DSC3: variants seen among roughly 807,000 people sequenced by gnomAD.
DSC3 encodes desmocollin-3.
Under a neutral mutation model 89.5 loss-of-function variants are expected in DSC3, and 97 were observed. The ratio of observed to expected loss-of-function variants is 1.08; its 90% CI spans 0.92 to 1.28. The LOEUF is 1.28. Ranked by LOEUF, DSC3 falls within the 50% of genes most tolerant of loss-of-function variation. DSC3 has a pLI of 0.00. For missense variants in DSC3, 1,199 were observed against 1,085.3 expected, an observed-to-expected ratio of 1.10 and a Z score of -1.47; for synonymous variants, 436 against 384.1, an observed-to-expected ratio of 1.14 and a Z score of -1.58.
Position 31,000,634 on chromosome 18 carries a change from T to G in DSC3, c.2235+984A>C, listed in dbSNP as rs531236099. 2.0e-5 allele frequency among the ~76,000 whole-genome samples: 3 copies of G among 152,310 alleles called. No homozygotes were observed. In the South Asian group the frequency reaches 6.2e-4, roughly 32 times the overall value. On this transcript the variant is annotated intron_variant, in intron 14 of 15. Coordinates refer to ENST00000360428, the MANE Select transcript of DSC3 (RefSeq NM_001941.5). ...ATGATTTCTTCTATTCTAAATCAATTTATTTATTATTTGCTAAATAGCCCC... is the reference window on the plus strand; with the variant it reads ...ATGATTTCTTCTATTCTAAATCAATGTATTTATTATTTGCTAAATAGCCCC...
intron 14 of DSC3, among the ~76,000 whole-genome samples, chr18:31,001,025 TA>T (rs1295755582): frequency 6.7e-6 from 1 of 149,814 alleles, no homozygotes; most frequent in African/African-American, 2.4e-5. Flanking sequence ...TGTGTATATA[TA>T]TATACTTTGT....
chr18:31,027,574 T>A (rs539245613), intron 4 of DSC3, among the ~76,000 whole-genome samples: 81 of 152,092 alleles, frequency 5.3e-4, no homozygotes, highest in African/African-American at 1.9e-3. Context: ...AAGATACAGA[T>A]CAATCTTTTC....
intron 5 of DSC3, among the ~76,000 whole-genome samples, chr18:31,025,128 AG>A (rs1310554792): frequency 1.3e-5 from 2 of 152,176 alleles, no homozygotes; most frequent in African/African-American, 2.4e-5. Context: ...TCTTTTTTGT[AG>A]GAACAGAATC....
rs1984867691 is a variant in DSC3 at position 31,006,995 on chromosome 18, A to G, written c.1800T>C (p.Asp600=). 1 of 1,614,012 alleles carries G rather than the reference A, an allele frequency of 6.2e-7. No individual in the cohort carries two copies. Among genetic ancestry groups the G allele is most frequent in the Non-Finnish European group, 8.5e-7 (1 of 1,179,960 alleles). The part of the protein sequence containing the change: ...GYTDILAVDP[D]EPVHGAPFYF... ...AAAATGGAGCTCCATGGACAGGTTCATCAGGATCAACAGCTAAAATGTCGG... is the reference window on the plus strand; with the variant it reads ...AAAATGGAGCTCCATGGACAGGTTCGTCAGGATCAACAGCTAAAATGTCGG... Residue 600 remains aspartate (D), a synonymous_variant, in exon 12 of 16, where the codon GAT becomes GAC. Coordinates refer to ENST00000360428, the MANE Select transcript of DSC3 (RefSeq NM_001941.5).
intron 9 of DSC3, among the ~76,000 whole-genome samples, chr18:31,011,969 CAAAAA>C (rs371759932): frequency 5.8e-5 from 3 of 51,578 alleles, no homozygotes; most frequent in East Asian, 9.5e-4. Context: ...ACTCCATCTC[CAAAAA>C]AAAAAAAAAA....
chr18:30,999,311 A>G (rs936754385), intron 14 of DSC3, among the ~76,000 whole-genome samples: 2 of 152,166 alleles, frequency 1.3e-5, no homozygotes, highest in African/African-American at 4.8e-5. Context: ...ATATATCTAC[A>G]AAAGTCATAC....
At chr18:31,010,785 G>T (rs1017494895) in intron 9 of DSC3, among the ~76,000 whole-genome samples, 6 of 152,148 alleles carry the variant, frequency 3.9e-5, no homozygotes, top group African/African-American at 1.2e-4. Context: ...CACTGCTGCT[G>T]CTCCAATGGA....
intron 4 of DSC3, among the ~76,000 whole-genome samples, chr18:31,027,884 G>T (rs1205261513): frequency 6.6e-6 from 1 of 152,076 alleles, no homozygotes; most frequent in Non-Finnish European, 1.5e-5. Flanking sequence ...TATGTTTTCT[G>T]CAGCTTAAAC....
chr18:31,019,776 C>A (rs1489129272), intron 7 of DSC3, among the ~76,000 whole-genome samples: 2 of 152,080 alleles, frequency 1.3e-5, no homozygotes, highest in African/African-American at 2.4e-5. Flanking sequence ...AGCGACAGAG[C>A]TAGATCTCTT....
At chr18:31,041,824 C>G (rs1401484715) in intron 1 of DSC3, among the ~76,000 whole-genome samples, 1 of 152,156 alleles carries the variant, frequency 6.6e-6, no homozygotes, top group Admixed American at 6.5e-5. Flanking sequence ...GCAGTCCTCC[C>G]CGGAGCCGGA....
intron 9 of DSC3, among the ~76,000 whole-genome samples, chr18:31,017,837 A>C (rs567444237): frequency 6.6e-6 from 1 of 152,306 alleles, no homozygotes; most frequent in Middle Eastern, 3.4e-3. Context: ...TAAGTGGCCA[A>C]TGGAGCTATG....
chr18:30,993,093 G>A lies in DSC3; in HGVS notation c.*1082C>T, dbSNP rs1379027231. The A allele has an allele frequency of 1.3e-5, 2 of 152,158 alleles. No individual in the cohort carries two copies. The highest frequency in any genetic ancestry group is 2.4e-5 in the African/African-American group (1 of 41,440). The allele number at this position is 152,158 out of a possible 1,614,324, so 9.4% of individuals were successfully genotyped here. On this transcript the variant is annotated 3_prime_UTR_variant, in exon 16 of 16. Transcript: ENST00000360428. ...AACTCTAGGAGGACATGGTTATTTG[G>A]ATCTAAATTAAAAAGATGTTGGTCA...
In DSC3 at chr18:31,018,668, C is replaced by A. The variant is rs573948133; in HGVS notation, c.1075G>T (p.Ala359Ser). ...NDNAPTFRQN[A>S]YEAFVEENAF... is the part of the protein sequence containing the mutation. Reference sequence around the variant, plus strand: ...AGATTTTGATATTATATACTTACAGCATTTTGTCTGAAAGTGGGTGCATTA... The same window carrying A: ...AGATTTTGATATTATATACTTACAGAATTTTGTCTGAAAGTGGGTGCATTA... Residue 359 changes from alanine (A) to serine (S), a missense_variant and splice_region_variant, in exon 8 of 16, where the codon GCT becomes TCT. Ala to Ser is a moderately conservative substitution (Grantham distance 99, BLOSUM62 1). Transcript: ENST00000360428. The A allele has an allele frequency of 2.4e-5, 38 of 1,612,716 alleles. No individual in the cohort carries two copies. The East Asian group carries it at 8.3e-4, about 35-fold the overall frequency.
At position 31,025,849 on chromosome 18, in the gene DSC3, C is replaced by T; in HGVS notation, c.541G>A (p.Glu181Lys). Reference sequence around the variant, plus strand: ...TCTATATAAAACAAATTTAAAGGTTCTTTATCAACTCCACGTCCACTTATT... The same window carrying T: ...TCTATATAAAACAAATTTAAAGGTTTTTTATCAACTCCACGTCCACTTATT... ...YSISGRGVDK[E>K]PLNLFYIERD... Residue 181 changes from glutamate to lysine, a missense_variant, in exon 5 of 16, where the codon GAA (glutamate) becomes AAA (lysine). Physicochemically the swap from Glu to Lys is moderately conservative, Grantham distance 56. Coordinates refer to ENST00000360428, the MANE Select transcript of DSC3 (RefSeq NM_001941.5). 6.2e-7 allele frequency: 1 copy of T among 1,613,072 alleles called. No homozygotes were observed. The highest frequency in any genetic ancestry group is 8.5e-7 in the Non-Finnish European group (1 of 1,179,360).
chr18:30,995,457 T>TAAAG (rs1984422776), intron 15 of DSC3, among the ~76,000 whole-genome samples: 1 of 152,190 alleles, frequency 6.6e-6, no homozygotes, highest in Non-Finnish European at 1.5e-5. Flanking sequence ...ATTCAAGGAT[T>TAAAG]AAAGGTCTAC....
rs138175607 is a variant in DSC3, at chr18:31,013,172, G to A, written c.1264-4647C>T. ...GCTAATTAATAAACAATAAATTAAC[G>A]GTACAAAAGAGAATGTCAATAACAA... On this transcript the variant is annotated intron_variant, in intron 9 of 15. Coordinates refer to ENST00000360428, the MANE Select transcript of DSC3 (RefSeq NM_001941.5). Among the ~76,000 whole-genome samples the A allele has an allele frequency of 2.1e-3, 314 of 151,888 alleles. 1 individual carries two copies. The highest frequency in any genetic ancestry group is 7.2e-3 in the African/African-American group (297 of 41,430).
rs112756504 is a variant in DSC3 at position 31,019,009 on chromosome 18, G to A, written c.943-209C>T. On this transcript the variant is annotated intron_variant, in intron 7 of 15. Coordinates refer to ENST00000360428, the MANE Select transcript of DSC3 (RefSeq NM_001941.5). ...GGCAGAGATTAAATTACAAAGACCC[G>A]TACTCAGAAATTATGCTTTAAGTAA... Among the ~76,000 whole-genome samples the A allele has an allele frequency of 5.4e-3, 821 of 152,326 alleles. 7 individuals carry two copies. Among genetic ancestry groups the A allele is most frequent in the African/African-American group, 0.019 (797 of 41,568 alleles).
intron 1 of DSC3, among the ~76,000 whole-genome samples, chr18:31,041,421 A>G (rs1369159372): frequency 6.6e-6 from 1 of 152,322 alleles, no homozygotes; most frequent in Non-Finnish European, 1.5e-5. Flanking sequence ...ATCGTAGATC[A>G]TAACTACCAA....
intron 14 of DSC3, 89 bp from the exon 15 acceptor site, chr18:30,997,137 A>C: frequency 6.8e-7 from 1 of 1,479,988 alleles, no homozygotes; most frequent in Non-Finnish European, 9.4e-7. Flanking sequence ...TATTTGTTCA[A>C]CCTTTTATTC....
Sources: allele counts gnomAD v4.1 joint callset (sites outside exome capture counted in the v4.1 genomes callset), GRCh38; gene constraint gnomAD v4.1.1; transcripts MANE v1.5; gene names NCBI Gene and HGNC (gene_info 2026-07-23, HGNC 2026-07-21).